The following RSPRY1 variants were observed in gnomAD, a reference collection of about 807,000 sequenced individuals.
RSPRY1 encodes ring finger and SPRY domain containing 1.
Under a neutral mutation model 73.1 loss-of-function variants are expected in RSPRY1, and 23 were observed. The ratio of observed to expected loss-of-function variants is 0.31; its 90% CI spans 0.23 to 0.45. The LOEUF is 0.45. Ranked by LOEUF, RSPRY1 falls within the 20% of genes least tolerant of loss-of-function variation. RSPRY1 has a pLI of 1.00. For missense variants in RSPRY1, 448 were observed against 698.7 expected (o/e 0.64, Z 4.05); for synonymous variants, 226 against 251.4 (o/e 0.90, Z 0.95).
chr16:57,235,156 G>A lies in RSPRY1; in HGVS notation c.1562G>A (p.Ser521Asn), dbSNP rs2075282253. The A allele has an allele frequency of 6.2e-7, 1 of 1,614,172 alleles. No homozygotes were observed. The highest frequency in any genetic ancestry group is 8.5e-7 in the Non-Finnish European group (1 of 1,180,008). Reference protein sequence around the residue: ...HRRLALLKQVSIRENCCSLCC... With the variant: ...HRRLALLKQVNIRENCCSLCC... The stretch of plus-strand genomic sequence containing the variant: ...CGTCTTGCTCTGTTGAAGCAAGTCA[G>A]TATCCGAGAAAACTGCTGTTCCCTT... Residue 521 changes from serine to asparagine, a missense_variant, in exon 14 of 15, where the codon AGT (serine) becomes AAT (asparagine). Physicochemically the swap from Ser to Asn is conservative, Grantham distance 46. Transcript: ENST00000394420.
chr16:57,230,306 C>A (rs1455672199), intron 11 of RSPRY1, among the ~76,000 whole-genome samples: 1 of 152,240 alleles, frequency 6.6e-6, no homozygotes, highest in African/African-American at 2.4e-5. Context: ...GCCACCTCGC[C>A]CAGCCTGCCT....
intron 14 of RSPRY1, among the ~76,000 whole-genome samples, chr16:57,235,926 CCT>C (rs1320266488): frequency 6.6e-6 from 1 of 152,194 alleles, no homozygotes; most frequent in African/African-American, 2.4e-5. Flanking sequence ...AGCCTGGGCC[CCT>C]GACTCTGCCT....
At chr16:57,233,855 TCCA>T (rs1378452321) in intron 13 of RSPRY1, among the ~76,000 whole-genome samples, 3 of 152,102 alleles carry the variant, frequency 2.0e-5, no homozygotes, top group Non-Finnish European at 2.9e-5. Flanking sequence ...GGTCCAAGCC[TCCA>T]CCATTTCCTA....
chr16:57,213,119 A>G (rs778712773), intron 5 of RSPRY1, 21 bp downstream of exon 5: 4 of 1,600,956 alleles, frequency 2.5e-6, no homozygotes, highest in Non-Finnish European at 3.4e-6. Context: ...GACACTCCAC[A>G]GTGGAAGATC....
chr16:57,221,351 C>T lies in RSPRY1; in HGVS notation c.1097C>T (p.Thr366Ile). 1 of 1,614,104 alleles carries T rather than the reference C, an allele frequency of 6.2e-7. No homozygotes were observed. Among genetic ancestry groups the T allele is most frequent in the South Asian group, 1.1e-5 (1 of 91,080 alleles). The change falls in exon 10 of 15, where the codon ACA (threonine) becomes ATA (isoleucine). Residue 366 changes from threonine (T) to isoleucine (I), a missense_variant. Thr to Ile is a moderately conservative substitution (Grantham distance 89). Transcript: ENST00000394420. ...VDAGVWYYEV[T>I]VVTSGVMQIG... is the part of the protein sequence containing the mutation. ...GCCGGGGTATGGTACTATGAAGTAA[C>T]AGTGGTCACTTCTGGCGTCATGCAG...
rs575029901 is a variant in RSPRY1, at chr16:57,226,034, C to T, written c.1162-1308C>T. ...CAGAGGTTGTGGTGAGCCAAGATCG[C>T]GCCATTGCACTCCAGCCTAGGCAAC... On this transcript the variant is annotated intron_variant, in intron 10 of 14. Transcript: ENST00000394420. Among the ~76,000 whole-genome samples, 536 of 152,124 alleles carry T rather than the reference C, an allele frequency of 3.5e-3. 5 individuals are homozygous for T. The highest frequency in any genetic ancestry group is 5.2e-3 in the Non-Finnish European group (356 of 68,002).
chr16:57,222,634 C>CAGAGT (rs2075057093), intron 10 of RSPRY1, among the ~76,000 whole-genome samples: 1 of 152,202 alleles, frequency 6.6e-6, no homozygotes, highest in Admixed American at 6.5e-5. Context: ...AAAACTGAGA[C>CAGAGT]AGAGTAGGAA....
intron 10 of RSPRY1, 65 bp from the exon 11 acceptor site, chr16:57,227,277 A>G (rs2075134561): frequency 3.8e-6 from 4 of 1,062,744 alleles, no homozygotes; most frequent in Non-Finnish European, 5.8e-6. Context: ...CGTAAAAGAC[A>G]CACTCTCTGT....
chr16:57,235,109 G>C lies in RSPRY1; in HGVS notation c.1530-15G>C, dbSNP rs2075281470. On this transcript the variant is annotated splice_polypyrimidine_tract_variant and intron_variant, in intron 13 of 14. Transcript: ENST00000394420. ...CTGTTGACAAAATGTATTTCAAATT[G>C]CTTTTTCTACTCAGGCACAGGCGTC... 1 of 1,600,634 alleles carries C rather than the reference G, an allele frequency of 6.2e-7. No individual in the cohort carries two copies.
At chr16:57,199,768 G>A (rs1036459611) in intron 1 of RSPRY1, among the ~76,000 whole-genome samples, 1 of 150,754 alleles carries the variant, frequency 6.6e-6, no homozygotes, top group Non-Finnish European at 1.5e-5. Flanking sequence ...AGCCAGACCT[G>A]TCCAAAAACC....
At chr16:57,236,508 C>T (rs2075301602) in intron 14 of RSPRY1, among the ~76,000 whole-genome samples, 1 of 152,078 alleles carries the variant, frequency 6.6e-6, no homozygotes, top group South Asian at 2.1e-4. Flanking sequence ...TTACAAGAGT[C>T]AATCCCCAGA....
intron 10 of RSPRY1, among the ~76,000 whole-genome samples, chr16:57,223,306 T>C (rs2075068529): frequency 6.6e-6 from 1 of 152,252 alleles, no homozygotes; most frequent in African/African-American, 2.4e-5. Flanking sequence ...GAATTCTTGC[T>C]GCTTAGGTTT....
intron 4 of RSPRY1, among the ~76,000 whole-genome samples, chr16:57,212,262 G>A (rs1567500627): frequency 6.6e-6 from 1 of 152,196 alleles, no homozygotes; most frequent in South Asian, 2.1e-4. Context: ...AGTGAGCCAT[G>A]ATCACTTCAC....
intron 1 of RSPRY1, among the ~76,000 whole-genome samples, chr16:57,199,895 G>GTTTTTTTTTTTTTTTTTT (rs61132783): frequency 6.6e-5 from 7 of 106,238 alleles, no homozygotes; most frequent in Non-Finnish European, 1.1e-4. Context: ...TTTTTTGTTT[G>GTTTTTTTTTTTTTTTTTT]TTTTTTTTTT....
At chr16:57,198,160 C>T (rs1219014871) in intron 1 of RSPRY1, among the ~76,000 whole-genome samples, 7 of 152,008 alleles carry the variant, frequency 4.6e-5, no homozygotes, top group South Asian at 2.1e-4. Context: ...CCGAGGCAGG[C>T]GGATCACGAG....
intron 10 of RSPRY1, among the ~76,000 whole-genome samples, chr16:57,221,842 T>C (rs1434439992): frequency 1.3e-5 from 2 of 152,258 alleles, no homozygotes; most frequent in Non-Finnish European, 2.9e-5. Flanking sequence ...ACTTGACTTT[T>C]ACCTAGTAAT....
intron 14 of RSPRY1, 103 bp downstream of exon 14, chr16:57,235,331 A>G (rs2075284796): frequency 1.3e-6 from 1 of 786,568 alleles, no homozygotes; most frequent in African/African-American, 1.7e-5. Flanking sequence ...TGAATGAGGA[A>G]CTAGAGTTTA....
chr16:57,187,815 G>T (rs1168005458), intron 1 of RSPRY1, among the ~76,000 whole-genome samples: 1 of 152,148 alleles, frequency 6.6e-6, no homozygotes, highest in Non-Finnish European at 1.5e-5. Flanking sequence ...CTGCTTAGAT[G>T]GGGATGGTGG....
At chr16:57,189,680 C>G (rs1041692225) in intron 1 of RSPRY1, among the ~76,000 whole-genome samples, 19 of 150,990 alleles carry the variant, frequency 1.3e-4, no homozygotes, top group African/African-American at 4.6e-4. Context: ...AAGCCTCTAC[C>G]TCCCAGGCTC....
Sources: allele counts gnomAD v4.1 joint callset (sites outside exome capture counted in the v4.1 genomes callset), GRCh38; gene constraint gnomAD v4.1.1; transcripts MANE v1.5; gene names NCBI Gene and HGNC (gene_info 2026-07-23, HGNC 2026-07-21).